Variants in SENP6 observed in about 807,000 individuals in gnomAD.
SENP6 encodes sentrin-specific protease 6.
In SENP6, 41 loss-of-function variants were observed where a neutral mutation model predicts 134.5. The ratio of observed to expected loss-of-function variants is 0.30; its 90% CI spans 0.24 to 0.40. The LOEUF is 0.40. Ranked by LOEUF, SENP6 falls within the 10% of genes least tolerant of loss-of-function variation. The pLI, the probability that SENP6 is intolerant of heterozygous loss-of-function variation, is 1.00. For missense variants in SENP6, 1,248 were observed against 1,312.5 expected (o/e 0.95, Z 0.76); for synonymous variants, 395 against 429.8 (o/e 0.92, Z 1.00).
intron 19 of SENP6, among the ~76,000 whole-genome samples, chr6:75,703,954 A>T (rs1375370903): frequency 2.0e-5 from 3 of 152,166 alleles, no homozygotes; most frequent in Middle Eastern, 3.2e-3. Flanking sequence ...TTCAGCATTA[A>T]CAGTAGTTGT....
Position 75,663,508 on chromosome 6 carries a change from A to G in SENP6, c.984A>G (p.Leu328=), listed in dbSNP as rs1182436949. The G allele has an allele frequency of 3.7e-6, 6 of 1,607,512 alleles. No individual in the cohort carries two copies. The highest frequency in any genetic ancestry group is 5.1e-6 in the Non-Finnish European group (6 of 1,178,888). Residue 328 remains leucine, a synonymous_variant, in exon 9 of 24, where the codon CTA becomes CTG. Coordinates refer to ENST00000447266, the MANE Select transcript of SENP6 (RefSeq NM_015571.4). ...LKERKTSLSD[L]NDPIILSSDD... ...AAAGGAAAACAAGTTTGTCAGACCT[A>G]AATGATCCAAGTAAGTATTTTACTC...
intron 11 of SENP6, among the ~76,000 whole-genome samples, chr6:75,674,702 T>A (rs1193494549): frequency 6.6e-6 from 1 of 152,206 alleles, no homozygotes; most frequent in Non-Finnish European, 1.5e-5. Context: ...GAAAGTATGT[T>A]TAGTGACATT....
chr6:75,615,756 A>G (rs1380760464), intron 1 of SENP6, among the ~76,000 whole-genome samples: 1 of 152,224 alleles, frequency 6.6e-6, no homozygotes, highest in Non-Finnish European at 1.5e-5. Flanking sequence ...TATTTTCTGC[A>G]AAAGTTCAGA....
intron 11 of SENP6, among the ~76,000 whole-genome samples, chr6:75,674,559 G>C (rs12202505): frequency 6.6e-6 from 1 of 152,126 alleles, no homozygotes; most frequent in Non-Finnish European, 1.5e-5. Context: ...TTGGGCTCAA[G>C]CCATCCTCCC....
Position 75,663,512 on chromosome 6 carries a change from G to T in SENP6, c.988G>T (p.Asp330Tyr). 6.2e-7 allele frequency: 1 copy of T among 1,605,232 alleles called. No individual in the cohort carries two copies. The highest frequency in any genetic ancestry group is 8.5e-7 in the Non-Finnish European group (1 of 1,178,424). ...GAAAACAAGTTTGTCAGACCTAAATGATCCAAGTAAGTATTTTACTCCCTT... is the reference window on the plus strand; with the variant it reads ...GAAAACAAGTTTGTCAGACCTAAATTATCCAAGTAAGTATTTTACTCCCTT... ...ERKTSLSDLN[D>Y]PIILSSDDDD... The change falls in exon 9 of 24, where the codon GAT (aspartate) becomes TAT (tyrosine). Residue 330 changes from aspartate (D) to tyrosine (Y), a missense_variant. By Grantham distance (160) the Asp-to-Tyr change is radical (BLOSUM62 -3). This residue lies in a region of SENP6 where 733 missense variants were observed against 725.4 expected (regional missense o/e 1.01). Transcript: ENST00000447266.
intron 17 of SENP6, among the ~76,000 whole-genome samples, chr6:75,696,908 T>C (rs1012475503): frequency 9.9e-5 from 15 of 152,238 alleles, no homozygotes; most frequent in African/African-American, 3.6e-4. Context: ...CTTGAATTGA[T>C]GGCTGCTATG....
intron 7 of SENP6, among the ~76,000 whole-genome samples, chr6:75,651,549 A>G (rs1770866160): frequency 6.6e-6 from 1 of 152,060 alleles, no homozygotes; most frequent in Non-Finnish European, 1.5e-5. Context: ...ATAAGGTTTC[A>G]CCGTGTTGCC....
rs182107571 is a variant in SENP6 at position 75,659,352 on chromosome 6, A to G, written c.641A>G (p.Tyr214Cys). The change falls in exon 8 of 24, where the codon TAT becomes TGT. Residue 214 changes from tyrosine to cysteine, a missense_variant. Coordinates refer to ENST00000447266, the MANE Select transcript of SENP6 (RefSeq NM_015571.4). ...KVQQKRHCST[Y>C]QPTPPLSPAS... ...CAACAGAAACGACACTGTAGTACCT[A>G]TCAGCCTACTCCTCCTCTATCTCCT... The G allele has an allele frequency of 4.3e-4, 691 of 1,611,230 alleles. No homozygotes were observed. The highest frequency in any genetic ancestry group is 5.6e-4 in the Non-Finnish European group (655 of 1,177,554).
intron 16 of SENP6, among the ~76,000 whole-genome samples, chr6:75,691,845 C>T (rs185214749): frequency 1.1e-3 from 169 of 152,122 alleles, no homozygotes; most frequent in African/African-American, 3.8e-3. Flanking sequence ...CCGCCCGCCT[C>T]GGCCTCCCAT....
At chr6:75,671,170 C>A (rs1057320489) in intron 11 of SENP6, among the ~76,000 whole-genome samples, 2 of 152,172 alleles carry the variant, frequency 1.3e-5, no homozygotes, top group African/African-American at 4.8e-5. Context: ...TCTTACCCAT[C>A]ATACCTGTGT....
intron 1 of SENP6, among the ~76,000 whole-genome samples, chr6:75,603,835 C>G (rs1436873497): frequency 1.3e-5 from 2 of 152,098 alleles, no homozygotes; most frequent in Non-Finnish European, 2.9e-5. Context: ...TCTTACCGTA[C>G]AAGCCAGCCT....
At chr6:75,694,364 C>G (rs1212617504) in intron 16 of SENP6, among the ~76,000 whole-genome samples, 1 of 152,214 alleles carries the variant, frequency 6.6e-6, no homozygotes, top group African/African-American at 2.4e-5. Flanking sequence ...ATAAAAAATA[C>G]TATGCTGCTG....
chr6:75,616,815 G>A (rs1249935409), intron 1 of SENP6, among the ~76,000 whole-genome samples: 2 of 150,884 alleles, frequency 1.3e-5, no homozygotes, highest in Admixed American at 6.6e-5. Flanking sequence ...ATATTACGAC[G>A]TCTCTTTTGA....
At chr6:75,675,814 T>C (rs1265431915) in intron 12 of SENP6, 46 bp from the exon 13 acceptor site, 4 of 1,493,936 alleles carry the variant, frequency 2.7e-6, no homozygotes, top group South Asian at 1.3e-5. Context: ...ATTCATGATA[T>C]TACCCTCTTA....
chr6:75,678,414 C>A (rs1275677822), intron 14 of SENP6, 169 bp from the exon 15 acceptor site: 3 of 530,178 alleles, frequency 5.7e-6, no homozygotes, highest in Non-Finnish European at 9.9e-6. Context: ...AAGAAAGTGG[C>A]CCCTAGTTTT....
chr6:75,613,114 T>TTA (rs574475873), intron 1 of SENP6, among the ~76,000 whole-genome samples: 6 of 145,542 alleles, frequency 4.1e-5, no homozygotes, highest in Admixed American at 3.4e-4. Context: ...ATTCTGTCTT[T>TTA]AAAAAAAAAA....
chr6:75,674,862 A>G (rs1772965679), intron 11 of SENP6, among the ~76,000 whole-genome samples: 1 of 152,210 alleles, frequency 6.6e-6, no homozygotes, highest in Non-Finnish European at 1.5e-5. Flanking sequence ...TACTATTAGC[A>G]TTTTATTGTA....
chr6:75,691,387 C>G (rs1774239212), intron 16 of SENP6, among the ~76,000 whole-genome samples: 1 of 152,062 alleles, frequency 6.6e-6, no homozygotes, highest in Admixed American at 6.6e-5. Context: ...CACCACTGTG[C>G]CCAGCCCAAA....
chr6:75,699,876 C>T (rs1234970512), intron 18 of SENP6, among the ~76,000 whole-genome samples: 1 of 151,574 alleles, frequency 6.6e-6, no homozygotes, highest in Non-Finnish European at 1.5e-5. Context: ...TGGATCTAAT[C>T]TATCTTAAGT....
Sources: allele counts gnomAD v4.1 joint callset (sites outside exome capture counted in the v4.1 genomes callset), GRCh38; gene constraint gnomAD v4.1.1; regional missense constraint gnomAD v4.1.1; transcripts MANE v1.5; gene names NCBI Gene and HGNC (gene_info 2026-07-23, HGNC 2026-07-21).